LMBR1L: variants seen among roughly 807,000 people sequenced by gnomAD.
LMBR1L encodes protein LMBR1L.
Under a neutral mutation model 67.3 loss-of-function variants are expected in LMBR1L, and 47 were observed. The ratio of observed to expected loss-of-function variants is 0.70; its 90% confidence interval spans 0.55 to 0.89. The LOEUF (loss-of-function observed/expected upper bound fraction) is 0.89. LMBR1L is among the 40% of genes least tolerant of loss of function. LMBR1L has a pLI of 0.00. For synonymous variants in LMBR1L, 247 were observed against 250.3 expected (o/e 0.99, Z 0.13); for missense variants, 533 against 599.2 (o/e 0.89, Z 1.15).
At chr12:49,104,129 G>A (rs1282391485) in intron 5 of LMBR1L, 2 of 473,020 alleles carry the variant, frequency 4.2e-6, no homozygotes, top group Non-Finnish European at 7.5e-6. Flanking sequence ...GAGAATGGAA[G>A]GTAGAAAAAA....
At chr12:49,100,871 G>T in intron 13 of LMBR1L, 1 of 573,350 alleles carries the variant, frequency 1.7e-6, no homozygotes, top group Non-Finnish European at 3.1e-6. Context: ...GGGAATGCAA[G>T]CACGCACCAC....
intron 8 of LMBR1L, 29 bp from the exon 9 acceptor site, chr12:49,102,569 C>CTGTCAGA (rs1214628163): frequency 6.2e-7 from 1 of 1,607,746 alleles, no homozygotes; most frequent in Non-Finnish European, 8.5e-7. Flanking sequence ...AAGAGACTAA[C>CTGTCAGA]TGTCAGAGGC....
rs370912762 is a variant in LMBR1L, at chr12:49,105,850, C to A, written c.191+74G>T. 54 of 1,276,172 alleles carry A rather than the reference C, an allele frequency of 4.2e-5. No individual in the cohort carries two copies. The African/African-American group carries it at 4.3e-4, about 10-fold the overall frequency. The allele number at this position is 1,276,172 out of a possible 1,614,324, so 79.1% of individuals were successfully genotyped here. On this transcript the variant is annotated intron_variant, in intron 3 of 16. Coordinates refer to ENST00000267102, the MANE Select transcript of LMBR1L (RefSeq NM_018113.4). ...ACTGTGTGAGACTTCCCCCTTCTCC[C>A]TCCAGCTCCAGGCCTCCCTAGATCC...
chr12:49,100,918 C>T (rs571673796), intron 13 of LMBR1L: 7 of 540,986 alleles, frequency 1.3e-5, no homozygotes, highest in Middle Eastern at 5.1e-4. Flanking sequence ...TTGTAGAGGC[C>T]GGGTTTCACC....
chr12:49,100,753 G>C, intron 13 of LMBR1L, 107 bp from the exon 14 acceptor site: 2 of 836,626 alleles, frequency 2.4e-6, no homozygotes, highest in Admixed American at 2.7e-5. Context: ...TTTGAGACAG[G>C]GTCTCACTTT....
rs1453891790 is a variant in LMBR1L at position 49,101,253 on chromosome 12, A to G, written c.1079T>C (p.Ile360Thr). 4 of 1,614,102 alleles carry G rather than the reference A, an allele frequency of 2.5e-6. No homozygotes were observed. Among genetic ancestry groups the G allele is most frequent in the East Asian group, 2.2e-5 (1 of 44,904 alleles). The change falls in exon 13 of 17, where the codon ATC (isoleucine) becomes ACC (threonine). Residue 360 changes from isoleucine (I) to threonine (T), a missense_variant. Transcript: ENST00000267102. ...SFGAVIQVVL[I>T]FYLMVSSVVG... The stretch of plus-strand genomic sequence containing the variant: ...TGATGGGTTTCCAGAAGGATACAAG[A>G]TGAGTACAACCTGAATGACGGCACC...
Position 49,110,710 on chromosome 12 carries a change from C to A in LMBR1L, c.-155G>T. On this transcript the variant is annotated 5_prime_UTR_variant, in exon 1 of 17. Transcript: ENST00000267102. ...GGGCAGTCTGGGGCTCAGATACAGT[C>A]GTCCGGACGCCCCGCCCTTAAAGGG... 2 of 649,466 alleles carry A rather than the reference C, an allele frequency of 3.1e-6. No individual in the cohort carries two copies. Among genetic ancestry groups the A allele is most frequent in the South Asian group, 1.8e-5 (1 of 56,734 alleles). 40.2% of individuals were successfully genotyped at this position (649,466 alleles called of 1,614,324 possible). A position where few individuals can be genotyped will look rare whatever the true frequency, so the allele number is the denominator to read the frequency against.
At chr12:49,098,173 T>A in intron 15 of LMBR1L, 68 bp from the exon 16 acceptor site, 1 of 1,526,738 alleles carries the variant, frequency 6.5e-7, no homozygotes, top group South Asian at 1.2e-5. Context: ...CCCAACTTTC[T>A]GCTGCCTCCT....
Position 49,102,292 on chromosome 12 carries a change from C to T in LMBR1L, c.853+1G>A. ...ATCCCAAGCCCTACGAAGCCACATA[C>T]CCAGCAGGACCCTCTGTGTCTGCAG... On this transcript the variant is annotated splice_donor_variant, in intron 10 of 16. Transcript: ENST00000267102. LOFTEE classifies it high-confidence loss of function. The T allele has an allele frequency of 6.2e-7, 1 of 1,614,176 alleles. No individual in the cohort carries two copies. Among genetic ancestry groups the T allele is most frequent in the African/African-American group, 1.3e-5 (1 of 75,062 alleles).
At chr12:49,099,834 GCCT>G (rs1939901161) in intron 15 of LMBR1L, among the ~76,000 whole-genome samples, 2 of 152,186 alleles carry the variant, frequency 1.3e-5, no homozygotes, top group Non-Finnish European at 2.9e-5. Context: ...GCCCGCCTTG[GCCT>G]CCCAAAGTGC....
intron 13 of LMBR1L, 65 bp from the exon 14 acceptor site, chr12:49,100,711 G>A: frequency 8.3e-7 from 1 of 1,204,066 alleles, no homozygotes; most frequent in Non-Finnish European, 1.2e-6. Context: ...AAAGGGAACA[G>A]AGCTCTCTCC....
intron 3 of LMBR1L, among the ~76,000 whole-genome samples, chr12:49,105,433 A>G (rs1940772523): frequency 6.6e-6 from 1 of 152,202 alleles, no homozygotes. Flanking sequence ...TGGTCCATCA[A>G]GGGTGGAGGG....
At position 49,103,095 on chromosome 12, in the gene LMBR1L, G is replaced by T; in HGVS notation, c.627C>A (p.Leu209=). 1 of 1,613,958 alleles carries T rather than the reference G, an allele frequency of 6.2e-7. No homozygotes were observed. Among genetic ancestry groups the T allele is most frequent in the South Asian group, 1.1e-5 (1 of 91,078 alleles). The change falls in exon 7 of 17, where the codon CTC becomes CTA. Residue 209 remains leucine, a synonymous_variant. Coordinates refer to ENST00000267102, the MANE Select transcript of LMBR1L (RefSeq NM_018113.4). ...TCCCAGACCCTGTACACTCACCCAG[G>T]AGCAGCAGAACCCCAAGGAAGGAGA... is the stretch of plus-strand genomic sequence containing the variant. ...SCISFLGVLL[L]LVCTPLGLAR...
chr12:49,098,388 T>A (rs141371726), intron 15 of LMBR1L, among the ~76,000 whole-genome samples: 272 of 152,286 alleles, frequency 1.8e-3, no homozygotes, highest in African/African-American at 6.2e-3. Context: ...CTACTACTTG[T>A]TCCTGGGCCT....
At chr12:49,106,728 C>T (rs1407523781) in intron 2 of LMBR1L, 5 of 909,226 alleles carry the variant, frequency 5.5e-6, no homozygotes, top group Non-Finnish European at 8.7e-6. Context: ...CATTGTTACG[C>T]CCATTTTGTA....
chr12:49,100,913 G>T, intron 13 of LMBR1L: 1 of 544,970 alleles, frequency 1.8e-6, no homozygotes. Flanking sequence ...ACTTTTTGTA[G>T]AGGCCGGGTT....
rs1939835581 is a variant in LMBR1L, at chr12:49,099,448, C to T, written c.1240+940G>A. 2.0e-5 allele frequency among the ~76,000 whole-genome samples: 3 copies of T among 152,104 alleles called. No individual in the cohort carries two copies. In the South Asian group the frequency reaches 6.2e-4, roughly 32 times the overall value. ...ACAGACGTGAGCCACCAGGCCTGGCCCCAGAACTGACTTAAATATGAAATC... is the reference window on the plus strand; with the variant it reads ...ACAGACGTGAGCCACCAGGCCTGGCTCCAGAACTGACTTAAATATGAAATC... On this transcript the variant is annotated intron_variant, in intron 15 of 16. Transcript: ENST00000267102.
At chr12:49,106,288 C>A (rs986466059) in intron 2 of LMBR1L, 1 of 402,658 alleles carries the variant, frequency 2.5e-6, no homozygotes, top group Non-Finnish European at 4.7e-6. Flanking sequence ...AGGTTGGTTA[C>A]ATCAGTGGCT....
At chr12:49,110,055 T>C in intron 1 of LMBR1L, 1 of 462,890 alleles carries the variant, frequency 2.2e-6, no homozygotes, top group Non-Finnish European at 4.3e-6. Flanking sequence ...CTCCCCTCTT[T>C]TCTGGAATCA....
Sources: gnomAD v4.1 joint callset for allele counts (sites outside exome capture counted in the v4.1 genomes callset) on GRCh38, gnomAD v4.1.1 for gene constraint, MANE v1.5 for transcripts, NCBI Gene and HGNC (gene_info 2026-07-23, HGNC 2026-07-21) for gene names.